RPS6KA4: variants seen among roughly 807,000 people sequenced by gnomAD.
RPS6KA4 encodes ribosomal protein S6 kinase A4.
A neutral mutation model predicts 89.6 loss-of-function variants in RPS6KA4; 38 were observed. The ratio of observed to expected loss-of-function variants is 0.42; its 90% confidence interval spans 0.33 to 0.56. The LOEUF (loss-of-function observed/expected upper bound fraction) is 0.56. Ranked by LOEUF, RPS6KA4 falls within the 20% of genes least tolerant of loss-of-function variation. The pLI, the probability that RPS6KA4 is intolerant of heterozygous loss-of-function variation, is 0.07. For missense variants in RPS6KA4, 873 were observed against 1,098.8 expected (o/e 0.79, Z 2.90); for synonymous variants, 495 against 492.8 (o/e 1.00, Z -0.06).
chr11:64,361,126 C>G lies in RPS6KA4; in HGVS notation c.463-8C>G. On this transcript the variant is annotated splice_polypyrimidine_tract_variant and splice_region_variant and intron_variant, in intron 4 of 16. Transcript: ENST00000334205. The surrounding 1 kb of genome is among the most constrained non-coding windows in gnomAD (Gnocchi z 4.7). ...AGGAAGCCTCAGCACCCCTCTTGCT[C>G]CTACCAGCTCGGCATCATTTACCGA... is the stretch of plus-strand genomic sequence containing the variant. 6.2e-7 allele frequency: 1 copy of G among 1,612,250 alleles called. No homozygotes were observed. The highest frequency in any genetic ancestry group is 8.5e-7 in the Non-Finnish European group (1 of 1,179,398).
intron 8 of RPS6KA4, among the ~76,000 whole-genome samples, chr11:64,364,906 A>ATTTTTTTTT (rs35498968): frequency 1.5e-5 from 2 of 132,492 alleles, no homozygotes; most frequent in Non-Finnish European, 3.2e-5. Context: ...CGCCCAGCTA[A>ATTTTTTTTT]TTTTTTTTTT....
intron 4 of RPS6KA4, chr11:64,360,896 G>A (rs572028390): frequency 1.1e-5 from 6 of 567,524 alleles, no homozygotes; most frequent in Middle Eastern, 4.7e-4. Flanking sequence ...TCCTTGAAAT[G>A]GAGCTCTTCA....
chr11:64,360,267 A>G lies in RPS6KA4; in HGVS notation c.232A>G (p.Thr78Ala). The G allele has an allele frequency of 6.5e-7, 1 of 1,547,460 alleles. No individual in the cohort carries two copies. The highest frequency in any genetic ancestry group is 8.7e-7 in the Non-Finnish European group (1 of 1,146,222). Residue 78 changes from threonine (T) to alanine (A), a missense_variant, in exon 3 of 17, where the codon ACG (threonine) becomes GCG (alanine). Physicochemically the swap from Thr to Ala is moderately conservative, Grantham distance 58. Coordinates refer to ENST00000334205, the MANE Select transcript of RPS6KA4 (RefSeq NM_003942.3). The part of the protein sequence containing the change: ...RKAALVQRAK[T>A]QEHTRTERSV... ...GGCGGCGCTGGTGCAGCGCGCCAAG[A>G]CGCAAGAGCACACGCGCACCGAGCG...
intron 9 of RPS6KA4, among the ~76,000 whole-genome samples, chr11:64,366,939 C>T (rs482936): frequency 1.3e-5 from 2 of 152,194 alleles, no homozygotes; most frequent in African/African-American, 4.8e-5. Flanking sequence ...ATTGACAACT[C>T]TGTGCTTGAA....
chr11:64,371,567 T>C lies in RPS6KA4; in HGVS notation c.*87T>C. ...CGGAGGCCTCTGCCTGCGGCTGACC[T>C]GATCCCCAAGGGACTGTCCTTTCCT... On this transcript the variant is annotated 3_prime_UTR_variant, in exon 17 of 17. Coordinates refer to ENST00000334205, the MANE Select transcript of RPS6KA4 (RefSeq NM_003942.3). 1.6e-6 allele frequency: 1 copy of C among 617,886 alleles called. No homozygotes were observed. The allele number at this position is 617,886 out of a possible 1,614,324, so 38.3% of individuals were successfully genotyped here.
rs771962086 is a variant in RPS6KA4 at position 64,370,515 on chromosome 11, C to T, written c.1958-48C>T. On this transcript the variant is annotated intron_variant, in intron 15 of 16. Transcript: ENST00000334205. This position sits in a 1 kb window ranked among gnomAD's most constrained non-coding sequence, Gnocchi z 4.1. ...GGGCTGTTACGATCTCTTTGGGGCT[C>T]AGCCTTTACGCCAGGCTCCTCCCCA... 6.3e-7 allele frequency: 1 copy of T among 1,592,430 alleles called. No individual in the cohort carries two copies. Among genetic ancestry groups the T allele is most frequent in the Non-Finnish European group, 8.5e-7 (1 of 1,171,002 alleles).
At chr11:64,371,101 CAAAAAAAAAAAAAA>C (rs374004148) in intron 16 of RPS6KA4, among the ~76,000 whole-genome samples, 168 bp from the exon 17 acceptor site, 1 of 88,782 alleles carries the variant, frequency 1.1e-5, no homozygotes, top group African/African-American at 6.1e-5. Context: ...GAGACTCCGT[CAAAAAAAAAAAAAA>C]AAAAAAAAAA....
intron 12 of RPS6KA4, 122 bp downstream of exon 12, chr11:64,368,919 G>C: frequency 1.1e-6 from 1 of 925,184 alleles, no homozygotes; most frequent in South Asian, 1.5e-5. Context: ...GGGGCCCAAA[G>C]GGACCAGGGA....
At chr11:64,366,057 A>C (rs1429955728) in intron 9 of RPS6KA4, among the ~76,000 whole-genome samples, 3 of 151,534 alleles carry the variant, frequency 2.0e-5, no homozygotes, top group East Asian at 3.9e-4. Flanking sequence ...AAAAAAAGAG[A>C]TCTTCACTTT....
Position 64,360,259 on chromosome 11 carries a change from G to C in RPS6KA4, c.224G>C (p.Arg75Pro). The change falls in exon 3 of 17, where the codon CGC becomes CCC. Residue 75 changes from arginine to proline, a missense_variant. Physicochemically the swap from Arg to Pro is moderately radical, Grantham distance 103. Around this residue, in one of 4 missense-constraint regions of RPS6KA4, gnomAD observed 542 missense variants for 736.4 expected, o/e 0.74. Transcript: ENST00000334205. ...KVLRKAALVQ[R>P]AKTQEHTRTE... is the part of the protein sequence containing the mutation. ...CTGCGCAAGGCGGCGCTGGTGCAGC[G>C]CGCCAAGACGCAAGAGCACACGCGC... 6.5e-7 allele frequency: 1 copy of C among 1,547,248 alleles called. No homozygotes were observed. Among genetic ancestry groups the C allele is most frequent in the Non-Finnish European group, 8.7e-7 (1 of 1,146,256 alleles).
intron 12 of RPS6KA4, among the ~76,000 whole-genome samples, chr11:64,369,227 G>A (rs1311707486): frequency 6.6e-6 from 1 of 152,234 alleles, no homozygotes; most frequent in African/African-American, 2.4e-5. Context: ...GAAGGCAGAG[G>A]TTGCAGTGAG....
Position 64,369,548 on chromosome 11 carries a change from C to G in RPS6KA4, c.1531C>G (p.Arg511Gly). The change falls in exon 13 of 17, where the codon CGC (arginine) becomes GGC (glycine). Residue 511 changes from arginine (R) to glycine (G), a missense_variant. By Grantham distance (125) the Arg-to-Gly change is moderately radical. Around this residue, in one of 4 missense-constraint regions of RPS6KA4, gnomAD observed 542 missense variants for 736.4 expected, o/e 0.74. Coordinates refer to ENST00000334205, the MANE Select transcript of RPS6KA4 (RefSeq NM_003942.3). Reference sequence around the variant, plus strand: ...CGAGTCGGAAGCAAGCCAGATCCTGCGCAGCCTCGTGTCGGCCGTGAGCTT... The same window carrying G: ...CGAGTCGGAAGCAAGCCAGATCCTGGGCAGCCTCGTGTCGGCCGTGAGCTT... ...FSESEASQIL[R>G]SLVSAVSFMH... The G allele has an allele frequency of 6.2e-7, 1 of 1,608,190 alleles. No individual in the cohort carries two copies. Among genetic ancestry groups the G allele is most frequent in the Non-Finnish European group, 8.5e-7 (1 of 1,177,934 alleles).
rs766882037 is a variant in RPS6KA4 at position 64,369,439 on chromosome 11, C to T, written c.1429-7C>T. On this transcript the variant is annotated splice_polypyrimidine_tract_variant and splice_region_variant and intron_variant, in intron 12 of 16. Transcript: ENST00000334205. ...GTGTTGACCTTGGCCCGCCACGCCG[C>T]CCGCAGCTGCACACGTACCTGGTCC... 6 of 1,588,300 alleles carry T rather than the reference C, an allele frequency of 3.8e-6. No homozygotes were observed. The highest frequency in any genetic ancestry group is 3.4e-5 in the South Asian group (3 of 89,280).
In RPS6KA4 at chr11:64,369,690, C is replaced by T. The variant is rs2037002763; in HGVS notation, c.1603-9C>T. On this transcript the variant is annotated splice_polypyrimidine_tract_variant and intron_variant, in intron 13 of 16. Coordinates refer to ENST00000334205, the MANE Select transcript of RPS6KA4 (RefSeq NM_003942.3). ...GCTGCCTCTGACCACTACCCCGCCG[C>T]CCTCGCAGAACATCCTGTACGCCGA... 1 of 1,604,180 alleles carries T rather than the reference C, an allele frequency of 6.2e-7. No individual in the cohort carries two copies. Among genetic ancestry groups the T allele is most frequent in the Non-Finnish European group, 8.5e-7 (1 of 1,174,068 alleles).
At chr11:64,362,872 T>C (rs1266873262) in intron 8 of RPS6KA4, among the ~76,000 whole-genome samples, 1 of 152,174 alleles carries the variant, frequency 6.6e-6, no homozygotes, top group African/African-American at 2.4e-5. Flanking sequence ...GGTTTCACCA[T>C]GTTGGCCGGG....
rs962045470 is a variant in RPS6KA4, at chr11:64,371,928, A to G, written c.*448A>G. 1 of 153,952 alleles carries G rather than the reference A, an allele frequency of 6.5e-6. No individual in the cohort carries two copies. The highest frequency in any genetic ancestry group is 1.4e-5 in the Non-Finnish European group (1 of 69,110). The allele number at this position is 153,952 out of a possible 1,614,324, so 9.5% of individuals were successfully genotyped here. ...ACTGTCTGTGCAATTACGTCCACCA[A>G]AGACCCGTGTTGGGGGTACTGAAGG... is the stretch of plus-strand genomic sequence containing the variant. On this transcript the variant is annotated 3_prime_UTR_variant, in exon 17 of 17. Transcript: ENST00000334205.
At position 64,370,276 on chromosome 11, in the gene RPS6KA4, G is replaced by C; in HGVS notation, c.1849G>C (p.Gly617Arg). Residue 617 changes from glycine (G) to arginine (R), a missense_variant, in exon 15 of 17, where the codon GGG becomes CGG. Coordinates refer to ENST00000334205, the MANE Select transcript of RPS6KA4 (RefSeq NM_003942.3). The surrounding 1 kb of genome is among the most constrained non-coding windows in gnomAD (Gnocchi z 4.1). ...VPFQGASGQG[G>R]QSQAAEIMCK... ...CTTCCAGGGGGCCTCTGGCCAGGGC[G>C]GGCAGAGCCAGGCGGCCGAGATCAT... 6.3e-7 allele frequency: 1 copy of C among 1,587,768 alleles called. No individual in the cohort carries two copies. Among genetic ancestry groups the C allele is most frequent in the South Asian group, 1.1e-5 (1 of 87,462 alleles).
chr11:64,360,836 G>A (rs1411309955), intron 4 of RPS6KA4, among the ~76,000 whole-genome samples: 3 of 152,130 alleles, frequency 2.0e-5, no homozygotes, highest in Non-Finnish European at 4.4e-5. Flanking sequence ...TCGGGGCTGC[G>A]TTCACAGAAC....
At chr11:64,371,145 G>A (rs542491475) in intron 16 of RPS6KA4, 138 bp from the exon 17 acceptor site, 5 of 713,878 alleles carry the variant, frequency 7.0e-6, no homozygotes, top group Non-Finnish European at 9.4e-6. Flanking sequence ...AACCGAATCC[G>A]GTGGTCGGTC....
Sources: gnomAD v4.1 joint callset for allele counts (sites outside exome capture counted in the v4.1 genomes callset) on GRCh38, gnomAD v4.1.1 for gene constraint, gnomAD v4.1.1 regional missense constraint, Gnocchi (gnomAD v3.1) non-coding constraint, MANE v1.5 for transcripts, NCBI Gene and HGNC (gene_info 2026-07-23, HGNC 2026-07-21) for gene names.